PPM1L: variants seen among roughly 807,000 people sequenced by gnomAD.
The protein encoded by PPM1L is protein phosphatase, Mg2+/Mn2+ dependent 1L, also known as protein phosphatase 1L.
A neutral mutation model predicts 31.4 loss-of-function variants in PPM1L; 13 were observed. That is an observed-to-expected ratio of 0.41 (90% confidence interval 0.27 to 0.66). PPM1L has a LOEUF of 0.66. PPM1L is among the 30% of genes least tolerant of loss of function. The pLI, the probability that PPM1L is intolerant of heterozygous loss-of-function variation, is 0.29. For synonymous variants in PPM1L, 184 were observed against 175.4 expected, an observed-to-expected ratio of 1.05 and a Z score of -0.39; for missense variants, 326 against 453.7, an observed-to-expected ratio of 0.72 and a Z score of 2.56.
At chr3:161,026,293 G>A (rs955397675) in intron 2 of PPM1L, among the ~76,000 whole-genome samples, 1 of 152,204 alleles carries the variant, frequency 6.6e-6, no homozygotes, top group Non-Finnish European at 1.5e-5. Flanking sequence ...AGTGCTAGGT[G>A]CTAGGGGAAT....
At chr3:160,787,219 C>T (rs1216707640) in intron 1 of PPM1L, among the ~76,000 whole-genome samples, 2 of 152,178 alleles carry the variant, frequency 1.3e-5, no homozygotes, top group Non-Finnish European at 2.9e-5. Context: ...ACATTTCCAC[C>T]AGCAGTATAT....
At chr3:161,041,647 C>T (rs540334802) in intron 2 of PPM1L, among the ~76,000 whole-genome samples, 1 of 152,238 alleles carries the variant, frequency 6.6e-6, no homozygotes, top group East Asian at 1.9e-4. Flanking sequence ...ACTCGGGAGG[C>T]TGAGGCAGGA....
intron 1 of PPM1L, among the ~76,000 whole-genome samples, chr3:160,854,615 C>G (rs1711622393): frequency 6.6e-6 from 1 of 152,014 alleles, no homozygotes; most frequent in Non-Finnish European, 1.5e-5. Flanking sequence ...CACACACACA[C>G]ACATACACAC....
At chr3:160,995,620 C>G (rs951247561) in intron 2 of PPM1L, among the ~76,000 whole-genome samples, 5 of 152,044 alleles carry the variant, frequency 3.3e-5, no homozygotes, top group South Asian at 2.1e-4. Flanking sequence ...CATGCCTGGT[C>G]CAGGTAGAGA....
chr3:160,793,349 A>T (rs1712156166), intron 1 of PPM1L, among the ~76,000 whole-genome samples: 1 of 152,212 alleles, frequency 6.6e-6, no homozygotes, highest in Non-Finnish European at 1.5e-5. Context: ...CTTTCTTCAG[A>T]TGAGCAAGTT....
chr3:161,000,041 A>G (rs1717434196), intron 2 of PPM1L, among the ~76,000 whole-genome samples: 1 of 152,220 alleles, frequency 6.6e-6, no homozygotes, highest in South Asian at 2.1e-4. Flanking sequence ...TTGTATCCGC[A>G]GAATCCAGCA....
intron 1 of PPM1L, among the ~76,000 whole-genome samples, chr3:160,921,601 C>G (rs1345909726): frequency 6.6e-6 from 1 of 152,014 alleles, no homozygotes; most frequent in African/African-American, 2.4e-5. Flanking sequence ...CTTAAATTAT[C>G]TTATTTAAAA....
At chr3:161,033,972 CA>C (rs1002964759) in intron 2 of PPM1L, among the ~76,000 whole-genome samples, 32 of 152,246 alleles carry the variant, frequency 2.1e-4, no homozygotes, top group African/African-American at 7.2e-4. Flanking sequence ...CCAGAATCTG[CA>C]AGGAACTTAA....
chr3:161,035,073 G>A (rs1278511369), intron 2 of PPM1L, among the ~76,000 whole-genome samples: 1 of 151,354 alleles, frequency 6.6e-6, no homozygotes, highest in Non-Finnish European at 1.5e-5. Flanking sequence ...ATCACACACT[G>A]AGGCCTGTCA....
At position 160,835,944 on chromosome 3, in the gene PPM1L, G is replaced by C. The variant is rs1168723630; in HGVS notation, c.399+79237G>C. On this transcript the variant is annotated intron_variant, in intron 1 of 3. Transcript: ENST00000498165. Reference sequence around the variant, plus strand: ...AGGGGGTATCTAGGGATACCCCCTGGATAGTCTGCTTTTTGATCACATCCC... The same window carrying C: ...AGGGGGTATCTAGGGATACCCCCTGCATAGTCTGCTTTTTGATCACATCCC... 2.0e-5 allele frequency among the ~76,000 whole-genome samples: 3 copies of C among 150,524 alleles called. No individual in the cohort carries two copies. The Middle Eastern group carries it at 0.01, about 519-fold the overall frequency.
intron 1 of PPM1L, among the ~76,000 whole-genome samples, chr3:160,757,755 T>G (rs891475389): frequency 7.2e-5 from 11 of 152,226 alleles, no homozygotes; most frequent in Admixed American, 5.9e-4. Flanking sequence ...CTTTTCTTAT[T>G]CTTAACCCCT....
At chr3:160,858,332 C>T (rs999787873) in intron 1 of PPM1L, among the ~76,000 whole-genome samples, 9 of 151,942 alleles carry the variant, frequency 5.9e-5, no homozygotes, top group African/African-American at 9.7e-5. Context: ...CTGCAAGAAC[C>T]GCCTCCCAGA....
At chr3:160,950,263 C>T (rs1342411875) in intron 1 of PPM1L, among the ~76,000 whole-genome samples, 1 of 152,142 alleles carries the variant, frequency 6.6e-6, no homozygotes, top group African/African-American at 2.4e-5. Flanking sequence ...TAGCATACTA[C>T]CCCTCCTTAA....
chr3:160,863,524 G>T (rs1471277220), intron 1 of PPM1L, among the ~76,000 whole-genome samples: 1 of 152,170 alleles, frequency 6.6e-6, no homozygotes, highest in East Asian at 1.9e-4. Context: ...TGGTGAGAAG[G>T]TTGACTTTCT....
chr3:160,782,774 A>G (rs1303570735), intron 1 of PPM1L, among the ~76,000 whole-genome samples: 1 of 152,224 alleles, frequency 6.6e-6, no homozygotes, highest in East Asian at 1.9e-4. Flanking sequence ...GTAAAGTAAA[A>G]AAAGAGTTCT....
intron 2 of PPM1L, among the ~76,000 whole-genome samples, chr3:161,024,443 A>T (rs1263753850): frequency 6.6e-6 from 1 of 152,056 alleles, no homozygotes; most frequent in African/African-American, 2.4e-5. Flanking sequence ...TCATGCCTGT[A>T]ATCCCAGCAC....
chr3:160,950,090 A>C (rs1455278863), intron 1 of PPM1L, among the ~76,000 whole-genome samples: 1 of 152,138 alleles, frequency 6.6e-6, no homozygotes, highest in East Asian at 1.9e-4. Flanking sequence ...CCTCCACACA[A>C]AGTTAAATTT....
At chr3:160,866,790 C>G (rs61344153) in intron 1 of PPM1L, among the ~76,000 whole-genome samples, 4,703 of 152,274 alleles carry the variant, frequency 0.031, 203 homozygotes, top group African/African-American at 0.092. Context: ...CTTTGTAATT[C>G]ATAATCTCTT....
chr3:160,823,616 C>T lies in PPM1L; in HGVS notation c.399+66909C>T, dbSNP rs185782806. Among the ~76,000 whole-genome samples the T allele has an allele frequency of 9.2e-5, 14 of 151,870 alleles. 1 individual carries two copies. Among genetic ancestry groups the T allele is most frequent in the African/African-American group, 3.1e-4 (13 of 41,408 alleles). ...TTATCATTATTGGTATAGAAATGGC[C>T]AGAAATAATTACTATAATAATGCTA... On this transcript the variant is annotated intron_variant, in intron 1 of 3. Coordinates refer to ENST00000498165, the MANE Select transcript of PPM1L (RefSeq NM_139245.4).
Sources: gnomAD v4.1 joint callset for allele counts (sites outside exome capture counted in the v4.1 genomes callset) on GRCh38, gnomAD v4.1.1 for gene constraint, MANE v1.5 for transcripts, NCBI Gene and HGNC (gene_info 2026-07-23, HGNC 2026-07-21) for gene names.